Variants in GABBR2 observed in about 807,000 individuals in gnomAD.
GABBR2 encodes the protein gamma-aminobutyric acid type B receptor subunit 2.
A neutral mutation model predicts 105.6 loss-of-function variants in GABBR2; 23 were observed. The observed-to-expected ratio is 0.22, with a 90% CI of 0.16 to 0.31. The LOEUF is 0.31. GABBR2 is among the 10% of genes least tolerant of loss of function. GABBR2 has a pLI of 1.00. For missense variants in GABBR2, 734 were observed against 1,245.5 expected (o/e 0.59, Z 6.18); for synonymous variants, 478 against 499.7 (o/e 0.96, Z 0.58).
At chr9:98,564,667 T>C (rs1032753608) in intron 2 of GABBR2, among the ~76,000 whole-genome samples, 3 of 152,214 alleles carry the variant, frequency 2.0e-5, no homozygotes. Flanking sequence ...AATTAGTTTT[T>C]TAACAGGCCC....
chr9:98,338,938 A>G (rs544565824), intron 13 of GABBR2, among the ~76,000 whole-genome samples: 1 of 152,388 alleles, frequency 6.6e-6, no homozygotes, highest in African/African-American at 2.4e-5. Flanking sequence ...ACAAGGGGAT[A>G]TTACTTAGCC....
At chr9:98,606,376 T>C (rs1237357948) in intron 1 of GABBR2, among the ~76,000 whole-genome samples, 1 of 152,202 alleles carries the variant, frequency 6.6e-6, no homozygotes, top group East Asian at 1.9e-4. Context: ...CTGAACTAGT[T>C]TACAGTCCCA....
intron 1 of GABBR2, chr9:98,607,670 C>T (rs1813831074): frequency 4.0e-6 from 3 of 741,758 alleles, no homozygotes; most frequent in Non-Finnish European, 4.9e-6. Context: ...TGTGATTTTA[C>T]AATTCTAAGA....
rs1363863728 is a variant in GABBR2 at position 98,306,281 on chromosome 9, T to C, written c.2069A>G (p.Lys690Arg). The part of the protein sequence containing the change: ...NVSIPALNDS[K>R]YIGMSVYNVG... ...GTTGTAGACACTCATCCCGATGTAC[T>C]TGCTGTCGTTGAGTGCGGGGATGCT... The change falls in exon 15 of 19, where the codon AAG (lysine) becomes AGG (arginine). Residue 690 changes from lysine to arginine, a missense_variant. By Grantham distance (26) the Lys-to-Arg change is conservative (BLOSUM62 2). This residue lies in a region of GABBR2 where 91 missense variants were observed against 185.9 expected (regional missense o/e 0.49). Transcript: ENST00000259455. This position sits in a 1 kb window ranked among gnomAD's most constrained non-coding sequence, Gnocchi z 5.4. 2 of 1,614,154 alleles carry C rather than the reference T, an allele frequency of 1.2e-6. No homozygotes were observed. Among genetic ancestry groups the C allele is most frequent in the South Asian group, 1.1e-5 (1 of 91,078 alleles).
At chr9:98,685,237 G>A (rs1354582103) in intron 1 of GABBR2, among the ~76,000 whole-genome samples, 1 of 152,230 alleles carries the variant, frequency 6.6e-6, no homozygotes, top group Non-Finnish European at 1.5e-5. Flanking sequence ...TTTGGACTTT[G>A]GGAACTACAC....
At chr9:98,536,185 C>T (rs1828176707) in intron 3 of GABBR2, among the ~76,000 whole-genome samples, 1 of 152,126 alleles carries the variant, frequency 6.6e-6, no homozygotes, top group Non-Finnish European at 1.5e-5. Flanking sequence ...CACAAAGAGG[C>T]AAGTAATTCT....
chr9:98,567,890 G>A (rs1421653069), intron 2 of GABBR2, among the ~76,000 whole-genome samples: 1 of 152,162 alleles, frequency 6.6e-6, no homozygotes, highest in East Asian at 1.9e-4. Context: ...TGGGGTGGTG[G>A]TGTTGGGTGG....
intron 1 of GABBR2, among the ~76,000 whole-genome samples, chr9:98,707,952 C>G (rs980990873): frequency 2.0e-5 from 3 of 152,236 alleles, no homozygotes; most frequent in Non-Finnish European, 4.4e-5. Context: ...CAAAGCGCGG[C>G]TCGGCTTCCC....
At chr9:98,340,044 A>G (rs1302828809) in intron 13 of GABBR2, among the ~76,000 whole-genome samples, 1 of 152,118 alleles carries the variant, frequency 6.6e-6, no homozygotes, top group Admixed American at 6.6e-5. Flanking sequence ...GCTGGCACAC[A>G]CTTTGCCGCA....
intron 7 of GABBR2, among the ~76,000 whole-genome samples, chr9:98,427,590 C>T (rs1013898197): frequency 1.3e-5 from 2 of 152,220 alleles, no homozygotes; most frequent in Non-Finnish European, 2.9e-5. Context: ...TCCCCTTCCA[C>T]ATTGAATAGG....
intron 13 of GABBR2, among the ~76,000 whole-genome samples, chr9:98,358,525 G>T (rs1315380598): frequency 1.3e-5 from 2 of 152,206 alleles, no homozygotes; most frequent in Non-Finnish European, 2.9e-5. Flanking sequence ...TACCATGAGG[G>T]TTGTGAGTTA....
At chr9:98,378,794 G>C (rs1831921928) in intron 11 of GABBR2, among the ~76,000 whole-genome samples, 1 of 152,204 alleles carries the variant, frequency 6.6e-6, no homozygotes, top group Non-Finnish European at 1.5e-5. Flanking sequence ...CTGGGATGCT[G>C]ATAAGGTCCT....
At chr9:98,363,543 C>T (rs904458363) in intron 12 of GABBR2, among the ~76,000 whole-genome samples, 1 of 152,106 alleles carries the variant, frequency 6.6e-6, no homozygotes, top group African/African-American at 2.4e-5. Flanking sequence ...TTCACATCCT[C>T]AAACATTTAC....
chr9:98,415,460 C>G (rs140163701), intron 7 of GABBR2, among the ~76,000 whole-genome samples: 1 of 152,094 alleles, frequency 6.6e-6, no homozygotes, highest in Non-Finnish European at 1.5e-5. Context: ...CTCTCAAAGT[C>G]GAATAACAAA....
intron 1 of GABBR2, among the ~76,000 whole-genome samples, chr9:98,586,098 A>G (rs951660811): frequency 7.2e-5 from 11 of 152,206 alleles, no homozygotes; most frequent in African/African-American, 2.6e-4. Context: ...GAAATATTTC[A>G]CTCACAGAAA....
At chr9:98,343,783 G>A (rs925710752) in intron 13 of GABBR2, among the ~76,000 whole-genome samples, 2 of 152,006 alleles carry the variant, frequency 1.3e-5, no homozygotes, top group South Asian at 2.1e-4. Flanking sequence ...TCGTGAACCC[G>A]GGAGGTGGAG....
chr9:98,659,189 T>A (rs1830220837), intron 1 of GABBR2, among the ~76,000 whole-genome samples: 1 of 152,242 alleles, frequency 6.6e-6, no homozygotes, highest in Non-Finnish European at 1.5e-5. Context: ...CTTTTGGCAA[T>A]CATGCAAGAC....
intron 3 of GABBR2, among the ~76,000 whole-genome samples, chr9:98,509,882 A>G (rs1196339755): frequency 1.3e-5 from 2 of 152,232 alleles, no homozygotes; most frequent in Admixed American, 1.3e-4. Flanking sequence ...CCAATCTAGC[A>G]AGGCAGGCCA....
chr9:98,508,022 A>G (rs1827547963), intron 3 of GABBR2, among the ~76,000 whole-genome samples: 1 of 152,222 alleles, frequency 6.6e-6, no homozygotes, highest in Non-Finnish European at 1.5e-5. Context: ...GAAATTAGCC[A>G]TCAGACCTTA....
Sources: allele counts gnomAD v4.1 joint callset (sites outside exome capture counted in the v4.1 genomes callset), GRCh38; gene constraint gnomAD v4.1.1; regional missense constraint gnomAD v4.1.1; non-coding constraint Gnocchi (gnomAD v3.1); transcripts MANE v1.5; gene names NCBI Gene and HGNC (gene_info 2026-07-23, HGNC 2026-07-21).